The following BMP7 variants were observed in gnomAD, a reference collection of about 807,000 sequenced individuals.
The protein encoded by BMP7 is osteogenic protein 1.
A neutral mutation model predicts 41.2 loss-of-function variants in BMP7; 12 were observed. That is an observed-to-expected ratio of 0.29 (90% CI 0.19 to 0.47). The LOEUF (loss-of-function observed/expected upper bound fraction) is 0.47. BMP7 is among the 20% of genes least tolerant of loss of function. BMP7 has a pLI of 0.99. For synonymous variants in BMP7, 248 were observed against 250.0 expected, an observed-to-expected ratio of 0.99 and a Z score of 0.07; for missense variants, 467 against 606.0, an observed-to-expected ratio of 0.77 and a Z score of 2.41.
chr20:57,211,210 G>A (rs550447990), intron 2 of BMP7, among the ~76,000 whole-genome samples: 2 of 152,318 alleles, frequency 1.3e-5, no homozygotes, highest in Admixed American at 6.5e-5. Context: ...AGTACAATCC[G>A]CATCCCCACT....
intron 1 of BMP7, among the ~76,000 whole-genome samples, chr20:57,238,027 G>A (rs923598751): frequency 1.3e-5 from 2 of 152,068 alleles, no homozygotes; most frequent in African/African-American, 2.4e-5. Context: ...TTAAACACAC[G>A]GGATACCATT....
intron 3 of BMP7, among the ~76,000 whole-genome samples, chr20:57,199,917 T>C (rs1377760136): frequency 6.6e-6 from 1 of 152,218 alleles, no homozygotes; most frequent in Non-Finnish European, 1.5e-5. Flanking sequence ...GCAAAGATGG[T>C]GTCCCGGAGT....
chr20:57,194,342 G>T (rs1984443960), intron 3 of BMP7, among the ~76,000 whole-genome samples: 1 of 152,172 alleles, frequency 6.6e-6, no homozygotes, highest in Admixed American at 6.5e-5. Flanking sequence ...CCCACTGCCT[G>T]TTCTTGCAAA....
At chr20:57,223,864 G>A (rs538064094) in intron 2 of BMP7, among the ~76,000 whole-genome samples, 8 of 152,260 alleles carry the variant, frequency 5.3e-5, no homozygotes, top group East Asian at 1.9e-4. Flanking sequence ...TCATGAATCC[G>A]CACATCATAA....
rs6025429 is a variant in BMP7 at position 57,183,992 on chromosome 20, T to C, written c.761-73A>G. ...CACGAGCGGGACAGGGCTGCAGAGA[T>C]GCTATGCCTCCCGGTTCATTCATGA... On this transcript the variant is annotated intron_variant, in intron 3 of 6. Transcript: ENST00000395863. 0.075 allele frequency: 115,144 copies of C among 1,525,636 alleles called. 10,492 individuals carry two copies. The highest frequency in any genetic ancestry group is 0.46 in the African/African-American group (34,025 of 73,236). 94.5% of individuals were successfully genotyped at this position (1,525,636 alleles called of 1,614,324 possible). A position where few individuals can be genotyped will look rare whatever the true frequency, so the allele number is the denominator to read the frequency against.
rs1333301279 is a variant in BMP7 at position 57,215,489 on chromosome 20, A to G, written c.611+12740T>C. The G allele has an allele frequency of 6.6e-6, 1 of 152,226 alleles. No homozygotes were observed. Among genetic ancestry groups the G allele is most frequent in the Non-Finnish European group, 1.5e-5 (1 of 68,042 alleles). The allele number at this position is 152,226 out of a possible 1,614,324, so 9.4% of individuals were successfully genotyped here. On this transcript the variant is annotated intron_variant, in intron 2 of 6. Coordinates refer to ENST00000395863, the MANE Select transcript of BMP7 (RefSeq NM_001719.3). This position sits in a 1 kb window ranked among gnomAD's most constrained non-coding sequence, Gnocchi z 4.2. Reference sequence around the variant, plus strand: ...GAATTTCTGGAAAACTGGAGGCTCTACTGTTCCATTCAACCCAGGCATGAT... The same window carrying G: ...GAATTTCTGGAAAACTGGAGGCTCTGCTGTTCCATTCAACCCAGGCATGAT...
intron 1 of BMP7, among the ~76,000 whole-genome samples, chr20:57,234,367 T>A (rs1007946618): frequency 6.6e-6 from 1 of 152,202 alleles, no homozygotes. Flanking sequence ...CAGGGAAGGC[T>A]GGTCTGTGAG....
intron 3 of BMP7, among the ~76,000 whole-genome samples, chr20:57,191,273 T>C (rs1984351514): frequency 1.3e-5 from 2 of 152,144 alleles, no homozygotes; most frequent in South Asian, 4.1e-4. Context: ...AGCCCAGCAC[T>C]ACCGTGTGCT....
chr20:57,226,543 G>T (rs147184480), intron 2 of BMP7, among the ~76,000 whole-genome samples: 99 of 152,354 alleles, frequency 6.5e-4, no homozygotes, highest in African/African-American at 2.2e-3. Context: ...CCCAAGCCGT[G>T]GAACAGTGAG....
Position 57,224,447 on chromosome 20 carries a change from C to T in BMP7, c.611+3782G>A, listed in dbSNP as rs1985261516. The stretch of plus-strand genomic sequence containing the variant: ...TGTGTCGCCTACATGTGGGGCAGCG[C>T]TGTGGAGTGGGGCAAGCCTGACACA... On this transcript the variant is annotated intron_variant, in intron 2 of 6. Coordinates refer to ENST00000395863, the MANE Select transcript of BMP7 (RefSeq NM_001719.3). The surrounding 1 kb of genome is among the most constrained non-coding windows in gnomAD (Gnocchi z 4.8). 1 of 152,250 alleles carries T rather than the reference C, an allele frequency of 6.6e-6. No homozygotes were observed. The highest frequency in any genetic ancestry group is 1.5e-5 in the Non-Finnish European group (1 of 68,076). The allele number at this position is 152,250 out of a possible 1,614,324, so 9.4% of individuals were successfully genotyped here. A position where few individuals can be genotyped will look rare whatever the true frequency, so the allele number is the denominator to read the frequency against.
At chr20:57,177,957 G>A (rs1983972597) in intron 4 of BMP7, 1 of 152,342 alleles carries the variant, frequency 6.6e-6, no homozygotes, top group Admixed American at 6.5e-5. Context: ...AGACAGCAAA[G>A]CCCTGCCACT....
rs1415631797 is a variant in BMP7, at chr20:57,187,646, G to C, written c.761-3727C>G. On this transcript the variant is annotated intron_variant, in intron 3 of 6. Transcript: ENST00000395863. ...AAACAGCCACCATCTGGCAACCACA[G>C]GTGACCATGTTTCCAAAGAGGCCAC... Among the ~76,000 whole-genome samples the C allele has an allele frequency of 2.6e-5, 4 of 151,938 alleles. No homozygotes were observed. In the East Asian group the frequency reaches 7.8e-4, roughly 30 times the overall value.
intron 2 of BMP7, among the ~76,000 whole-genome samples, chr20:57,223,517 G>A (rs780597421): frequency 5.3e-5 from 8 of 152,292 alleles, no homozygotes; most frequent in Admixed American, 1.3e-4. Context: ...ACTGAGGCAC[G>A]GCCATGGCTA....
At chr20:57,252,444 G>T (rs975899383) in intron 1 of BMP7, among the ~76,000 whole-genome samples, 1 of 152,194 alleles carries the variant, frequency 6.6e-6, no homozygotes, top group South Asian at 2.1e-4. Flanking sequence ...TACCTGCCAA[G>T]AGAGGGGAAC....
At chr20:57,184,737 T>A (rs934309936) in intron 3 of BMP7, among the ~76,000 whole-genome samples, 1 of 151,926 alleles carries the variant, frequency 6.6e-6, no homozygotes, top group African/African-American at 2.4e-5. Context: ...AGTGTCCCCA[T>A]AAGAAGGCCA....
chr20:57,242,516 A>G (rs1246951341), intron 1 of BMP7, among the ~76,000 whole-genome samples: 2 of 152,250 alleles, frequency 1.3e-5, no homozygotes, highest in Non-Finnish European at 2.9e-5. Flanking sequence ...AGACTGTACC[A>G]TGTAAAAAGC....
chr20:57,254,515 A>C (rs927877828), intron 1 of BMP7, among the ~76,000 whole-genome samples: 2 of 151,952 alleles, frequency 1.3e-5, no homozygotes, highest in African/African-American at 4.8e-5. Flanking sequence ...TACATTTATG[A>C]GTTGGTCCCC....
At position 57,266,492 on chromosome 20, in the gene BMP7, CCTT is replaced by C. The variant is rs893105311; in HGVS notation, c.-373_-371del. On this transcript the variant is annotated 5_prime_UTR_variant, in exon 1 of 7. Transcript: ENST00000395863. ...GGAGGCAGGCGGGCGGGCGAGCGCT[CCTT>C]CTTCCCGCTCCTCTGGCGCTCTCGC... is the stretch of plus-strand genomic sequence containing the variant. 6.1e-6 allele frequency: 1 copy of C among 164,208 alleles called. No homozygotes were observed. Among genetic ancestry groups the C allele is most frequent in the African/African-American group, 2.4e-5 (1 of 41,922 alleles). The allele number at this position is 164,208 out of a possible 1,614,324, so 10.2% of individuals were successfully genotyped here.
chr20:57,192,533 T>C (rs1168519590), intron 3 of BMP7, among the ~76,000 whole-genome samples: 1 of 151,714 alleles, frequency 6.6e-6, no homozygotes. Flanking sequence ...ATTATTTGTA[T>C]TTAAATGTCC....
Sources: allele counts gnomAD v4.1 joint callset (sites outside exome capture counted in the v4.1 genomes callset), GRCh38; gene constraint gnomAD v4.1.1; non-coding constraint Gnocchi (gnomAD v3.1); transcripts MANE v1.5; gene names NCBI Gene and HGNC (gene_info 2026-07-23, HGNC 2026-07-21).